The following ACTL10 variants were observed in gnomAD, a reference collection of about 807,000 sequenced individuals.
ACTL10 encodes actin like 10.
For missense variants in ACTL10, 413 were observed against 359.4 expected, an observed-to-expected ratio of 1.15 and a Z score of -1.21; for synonymous variants, 180 against 169.9, an observed-to-expected ratio of 1.06 and a Z score of -0.46.
Position 33,667,562 on chromosome 20 carries a change from C to A in ACTL10, c.65C>A (p.Ala22Glu), listed in dbSNP as rs779510428. 5 of 1,551,682 alleles carry A rather than the reference C, an allele frequency of 3.2e-6. No individual in the cohort carries two copies. The highest frequency in any genetic ancestry group is 8.7e-7 in the Non-Finnish European group (1 of 1,150,490). ...TGAFSGLAVE[A>E]GAGVCHATPI... The stretch of plus-strand genomic sequence containing the variant: ...GCGTTCAGCGGGCTGGCCGTGGAGG[C>A]GGGCGCGGGCGTGTGCCACGCCACG... The change falls in exon 1 of 1, where the codon GCG becomes GAG. Residue 22 changes from alanine to glutamate, a missense_variant. Coordinates refer to ENST00000677665, the MANE Select transcript of ACTL10 (RefSeq NM_001024675.2).
Position 33,667,643 on chromosome 20 carries a change from G to T in ACTL10, c.146G>T (p.Gly49Val). The T allele has an allele frequency of 6.2e-7, 1 of 1,607,640 alleles. No individual in the cohort carries two copies. ...GCCACCTTCCGACTGAACGTGGCAG[G>T]CAGCACCCTGTCGCGCTACCTGCGG... ...HQATFRLNVAGSTLSRYLRDL... is the reference protein window; with the variant it reads ...HQATFRLNVAVSTLSRYLRDL... The change falls in exon 1 of 1, where the codon GGC becomes GTC. Residue 49 changes from glycine to valine, a missense_variant. By Grantham distance (109) the Gly-to-Val change is moderately radical. Transcript: ENST00000677665.
Position 33,667,642 on chromosome 20 carries a change from G to A in ACTL10, c.145G>A (p.Gly49Ser), listed in dbSNP as rs1351138139. The change falls in exon 1 of 1, where the codon GGC (glycine) becomes AGC (serine). Residue 49 changes from glycine to serine, a missense_variant. Gly to Ser is a moderately conservative substitution (Grantham distance 56). Transcript: ENST00000677665. ...GGCCACCTTCCGACTGAACGTGGCA[G>A]GCAGCACCCTGTCGCGCTACCTGCG... is the stretch of plus-strand genomic sequence containing the variant. ...HQATFRLNVA[G>S]STLSRYLRDL... 2 of 1,607,680 alleles carry A rather than the reference G, an allele frequency of 1.2e-6. No individual in the cohort carries two copies. The highest frequency in any genetic ancestry group is 1.1e-5 in the South Asian group (1 of 90,472).
chr20:33,667,317 C>A lies in ACTL10; in HGVS notation c.-181C>A. 1.3e-6 allele frequency: 1 copy of A among 781,574 alleles called. No homozygotes were observed. The highest frequency in any genetic ancestry group is 1.8e-6 in the Non-Finnish European group (1 of 562,274). 48.4% of individuals were successfully genotyped at this position (781,574 alleles called of 1,614,324 possible). ...TGGCGCGGGCGCACCCCATCAAGCA[C>A]GGCGTGGTGGCGGACTGGGAGGCGC... On this transcript the variant is annotated 5_prime_UTR_variant, in exon 1 of 1. Coordinates refer to ENST00000677665, the MANE Select transcript of ACTL10 (RefSeq NM_001024675.2).
Position 33,668,112 on chromosome 20 carries a change from T to G in ACTL10, c.615T>G (p.Arg205=), listed in dbSNP as rs1385678487. Residue 205 remains arginine (R), a synonymous_variant, in exon 1 of 1, where the codon CGT becomes CGG. Transcript: ENST00000677665. ...CCCACCTGGTGGCCAAGCATGGGCG[T>G]GGCATGGCTGTGTGGACCGGCGGCT... ...LRPHLVAKHG[R]GMAVWTGGSM... 1 of 1,609,462 alleles carries G rather than the reference T, an allele frequency of 6.2e-7. No individual in the cohort carries two copies. The highest frequency in any genetic ancestry group is 8.5e-7 in the Non-Finnish European group (1 of 1,178,442).
At position 33,668,315 on chromosome 20, in the gene ACTL10, G is replaced by C; in HGVS notation, c.*80G>C. On this transcript the variant is annotated 3_prime_UTR_variant, in exon 1 of 1. Transcript: ENST00000677665. ...AGAGTCAAGTGTTTGGAGCTGGCAGGGTCCTCCTGGAGGTTGGAGCTGACT... is the reference window on the plus strand; with the variant it reads ...AGAGTCAAGTGTTTGGAGCTGGCAGCGTCCTCCTGGAGGTTGGAGCTGACT... 6 of 1,512,712 alleles carry C rather than the reference G, an allele frequency of 4.0e-6. No homozygotes were observed. Among genetic ancestry groups the C allele is most frequent in the Non-Finnish European group, 4.4e-6 (5 of 1,128,604 alleles). The allele number at this position is 1,512,712 out of a possible 1,614,324, so 93.7% of individuals were successfully genotyped here.
Position 33,667,408 on chromosome 20 carries a change from C to G in ACTL10, c.-90C>G. The G allele has an allele frequency of 7.1e-7, 1 of 1,403,912 alleles. No homozygotes were observed. 87.0% of individuals were successfully genotyped at this position (1,403,912 alleles called of 1,614,324 possible). A position where few individuals can be genotyped will look rare whatever the true frequency, so the allele number is the denominator to read the frequency against. On this transcript the variant is annotated 5_prime_UTR_variant, in exon 1 of 1. Coordinates refer to ENST00000677665, the MANE Select transcript of ACTL10 (RefSeq NM_001024675.2). ...GGTGTGCCCAGAGCAGTGGCCCGTG[C>G]TGGTGAGCGACTCGCCGTTGGCGCC...
Position 33,667,257 on chromosome 20 carries a change from G to T in ACTL10, c.-241G>T. 1 of 435,688 alleles carries T rather than the reference G, an allele frequency of 2.3e-6. No homozygotes were observed. The highest frequency in any genetic ancestry group is 3.9e-6 in the Non-Finnish European group (1 of 257,014). 27.0% of individuals were successfully genotyped at this position (435,688 alleles called of 1,614,324 possible). ...TGCCCAGCTGGGACCGGCCGGTGCT[G>T]CCCGGAGCGCCGGGCTGCGAGCTGG... On this transcript the variant is annotated 5_prime_UTR_variant, in exon 1 of 1. Transcript: ENST00000677665.
In ACTL10 at chr20:33,668,022, C is replaced by CTT; in HGVS notation, c.525_526insTT (p.Ala176LeufsTer53). The stretch of plus-strand genomic sequence containing the variant: ...GCGGCTCCACACTGTTTCCTGGCTT[C>CTT]GCCGAGCGCCTGGACAAGGAGCTGG... On this transcript the variant is annotated frameshift_variant, in exon 1 of 1. Transcript: ENST00000677665. LOFTEE classifies it low-confidence loss of function (END_TRUNC). 2 of 1,542,788 alleles carry CTT rather than the reference C, an allele frequency of 1.3e-6. No homozygotes were observed. The highest frequency in any genetic ancestry group is 8.8e-7 in the Non-Finnish European group (1 of 1,142,522).
In ACTL10 at chr20:33,667,811, G is replaced by C; in HGVS notation, c.314G>C (p.Ser105Thr). ...GACCCCGCCCGCCACCATCCGGCCAGTTTCAGCGTGGGTAACGGGTGCTGC... is the reference window on the plus strand; with the variant it reads ...GACCCCGCCCGCCACCATCCGGCCACTTTCAGCGTGGGTAACGGGTGCTGC... Reference protein sequence around the residue: ...LRDPARHHPASFSVGNGCCVC... With the variant: ...LRDPARHHPATFSVGNGCCVC... The change falls in exon 1 of 1, where the codon AGT (serine) becomes ACT (threonine). Residue 105 changes from serine to threonine, a missense_variant. Transcript: ENST00000677665. 1 of 1,612,528 alleles carries C rather than the reference G, an allele frequency of 6.2e-7. No homozygotes were observed. The highest frequency in any genetic ancestry group is 8.5e-7 in the Non-Finnish European group (1 of 1,179,816).
rs749046923 is a variant in ACTL10, at chr20:33,668,013, T to A, written c.516T>A (p.Phe172Leu). 1.9e-6 allele frequency: 3 copies of A among 1,542,142 alleles called. No homozygotes were observed. The highest frequency in any genetic ancestry group is 4.0e-5 in the Admixed American group (2 of 50,154). The change falls in exon 1 of 1, where the codon TTT becomes TTA. Residue 172 changes from phenylalanine to leucine, a missense_variant. By Grantham distance (22) the Phe-to-Leu change is conservative. Transcript: ENST00000677665. ...TGCTAGCCGGCGGCTCCACACTGTT[T>A]CCTGGCTTCGCCGAGCGCCTGGACA... ...TVVLAGGSTL[F>L]PGFAERLDKE...
Position 33,667,958 on chromosome 20 carries a change from C to T in ACTL10, c.461C>T (p.Thr154Met), listed in dbSNP as rs745795580. Reference sequence around the variant, plus strand: ...CGGGCGCTGCAGAAGATGCCCAAAACGCTGCGGACACGCCTGGCAGACACC... The same window carrying T: ...CGGGCGCTGCAGAAGATGCCCAAAATGCTGCGGACACGCCTGGCAGACACC... ...AFRALQKMPK[T>M]LRTRLADTVV... The change falls in exon 1 of 1, where the codon ACG becomes ATG. Residue 154 changes from threonine (T) to methionine (M), a missense_variant. Coordinates refer to ENST00000677665, the MANE Select transcript of ACTL10 (RefSeq NM_001024675.2). 5.8e-6 allele frequency: 9 copies of T among 1,551,760 alleles called. No individual in the cohort carries two copies. Among genetic ancestry groups the T allele is most frequent in the Non-Finnish European group, 6.1e-6 (7 of 1,148,102 alleles).
In ACTL10 at chr20:33,668,083, C is replaced by G; in HGVS notation, c.586C>G (p.Arg196Gly). 1 of 1,591,010 alleles carries G rather than the reference C, an allele frequency of 6.3e-7. No homozygotes were observed. The highest frequency in any genetic ancestry group is 8.6e-7 in the Non-Finnish European group (1 of 1,169,384). Residue 196 changes from arginine (R) to glycine (G), a missense_variant, in exon 1 of 1, where the codon CGG becomes GGG. Transcript: ENST00000677665. ...QCRRHGYAALRPHLVAKHGRG... is the reference protein window; with the variant it reads ...QCRRHGYAALGPHLVAKHGRG... ...CCGGCGGCACGGCTACGCGGCCCTG[C>G]GGCCCCACCTGGTGGCCAAGCATGG... is the stretch of plus-strand genomic sequence containing the variant.
At position 33,667,320 on chromosome 20, in the gene ACTL10, C is replaced by A; in HGVS notation, c.-178C>A. On this transcript the variant is annotated 5_prime_UTR_variant, in exon 1 of 1. Coordinates refer to ENST00000677665, the MANE Select transcript of ACTL10 (RefSeq NM_001024675.2). ...CGCGGGCGCACCCCATCAAGCACGGCGTGGTGGCGGACTGGGAGGCGCTGG... is the reference window on the plus strand; with the variant it reads ...CGCGGGCGCACCCCATCAAGCACGGAGTGGTGGCGGACTGGGAGGCGCTGG... 1 of 794,296 alleles carries A rather than the reference C, an allele frequency of 1.3e-6. No individual in the cohort carries two copies. Among genetic ancestry groups the A allele is most frequent in the Non-Finnish European group, 1.7e-6 (1 of 572,428 alleles). 49.2% of individuals were successfully genotyped at this position (794,296 alleles called of 1,614,324 possible). A position where few individuals can be genotyped will look rare whatever the true frequency, so the allele number is the denominator to read the frequency against.
In ACTL10 at chr20:33,667,538, C is replaced by G. The variant is rs775794908; in HGVS notation, c.41C>G (p.Ala14Gly). The change falls in exon 1 of 1, where the codon GCG becomes GGG. Residue 14 changes from alanine to glycine, a missense_variant. Coordinates refer to ENST00000677665, the MANE Select transcript of ACTL10 (RefSeq NM_001024675.2). ...TTGCTGGCGCTCTGCTCCACCGGCG[C>G]GTTCAGCGGGCTGGCCGTGGAGGCG... Reference protein sequence around the residue: ...TALLALCSTGAFSGLAVEAGA... With the variant: ...TALLALCSTGGFSGLAVEAGA... 1.1e-5 allele frequency: 17 copies of G among 1,543,430 alleles called. No homozygotes were observed. The highest frequency in any genetic ancestry group is 1.5e-5 in the Non-Finnish European group (17 of 1,145,500).
At position 33,667,816 on chromosome 20, in the gene ACTL10, A is replaced by G. The variant is rs532624645; in HGVS notation, c.319A>G (p.Ser107Gly). 5.0e-6 allele frequency: 8 copies of G among 1,612,126 alleles called. No homozygotes were observed. The Admixed American group carries it at 1.2e-4, about 24-fold the overall frequency. ...DPARHHPASF[S>G]VGNGCCVCLS... ...CGCCCGCCACCATCCGGCCAGTTTC[A>G]GCGTGGGTAACGGGTGCTGCGTCTG... Residue 107 changes from serine (S) to glycine (G), a missense_variant, in exon 1 of 1, where the codon AGC becomes GGC. Physicochemically the swap from Ser to Gly is moderately conservative, Grantham distance 56. Transcript: ENST00000677665.
Position 33,668,376 on chromosome 20 carries a change from G to A in ACTL10, c.*141G>A. 1 of 1,243,316 alleles carries A rather than the reference G, an allele frequency of 8.0e-7. No homozygotes were observed. The highest frequency in any genetic ancestry group is 1.1e-6 in the Non-Finnish European group (1 of 928,402). 77.0% of individuals were successfully genotyped at this position (1,243,316 alleles called of 1,614,324 possible). On this transcript the variant is annotated 3_prime_UTR_variant, in exon 1 of 1. Transcript: ENST00000677665. The stretch of plus-strand genomic sequence containing the variant: ...CCCCCATACCCTTTCTGGGCCAGGA[G>A]AAGGTATTTGGGACCCATGGGACCC...
Position 33,667,894 on chromosome 20 carries a change from CT to C in ACTL10, c.398del (p.Leu133ArgfsTer33), listed in dbSNP as rs1216593917. 1 of 1,583,358 alleles carries C rather than the reference CT, an allele frequency of 6.3e-7. No homozygotes were observed. Among genetic ancestry groups the C allele is most frequent in the Non-Finnish European group, 8.6e-7 (1 of 1,165,266 alleles). Reference protein sequence around the residue: ...CPEPIFQPGLLGQAEQGLPAL... With the variant: ...CPEPIFQPGLXGQAEQGLPAL... ...CGAACCCATCTTCCAGCCGGGCCTG[CT>C]GGGCCAGGCTGAGCAGGGGCTGCCC... On this transcript the variant is annotated frameshift_variant, in exon 1 of 1. Transcript: ENST00000677665. LOFTEE classifies it low-confidence loss of function (END_TRUNC).
Position 33,667,559 on chromosome 20 carries a change from A to G in ACTL10, c.62A>G (p.Glu21Gly), listed in dbSNP as rs2017702112. Residue 21 changes from glutamate (E) to glycine (G), a missense_variant, in exon 1 of 1, where the codon GAG becomes GGG. By Grantham distance (98) the Glu-to-Gly change is moderately conservative. Coordinates refer to ENST00000677665, the MANE Select transcript of ACTL10 (RefSeq NM_001024675.2). Reference sequence around the variant, plus strand: ...GGCGCGTTCAGCGGGCTGGCCGTGGAGGCGGGCGCGGGCGTGTGCCACGCC... The same window carrying G: ...GGCGCGTTCAGCGGGCTGGCCGTGGGGGCGGGCGCGGGCGTGTGCCACGCC... The part of the protein sequence containing the change: ...STGAFSGLAV[E>G]AGAGVCHATP... 1 of 1,553,850 alleles carries G rather than the reference A, an allele frequency of 6.4e-7. No homozygotes were observed. The highest frequency in any genetic ancestry group is 8.7e-7 in the Non-Finnish European group (1 of 1,151,282).
rs2017695542 is a variant in ACTL10 at position 33,667,476 on chromosome 20, C to T, written c.-22C>T. On this transcript the variant is annotated 5_prime_UTR_variant, in exon 1 of 1. Coordinates refer to ENST00000677665, the MANE Select transcript of ACTL10 (RefSeq NM_001024675.2). ...GGGTGGCGGAGCTGCTGTTCGAGAC[C>T]CTGGCAGTGCCCGCGTGCCACATGG... 3 of 1,466,996 alleles carry T rather than the reference C, an allele frequency of 2.0e-6. No homozygotes were observed. Among genetic ancestry groups the T allele is most frequent in the East Asian group, 5.0e-5 (2 of 40,234 alleles). The allele number at this position is 1,466,996 out of a possible 1,614,324, so 90.9% of individuals were successfully genotyped here.
Sources: gnomAD v4.1 joint callset for allele counts on GRCh38, gnomAD v4.1.1 for gene constraint, MANE v1.5 for transcripts, NCBI Gene and HGNC (gene_info 2026-07-23, HGNC 2026-07-21) for gene names.